Variants in UGT1A10 observed in about 807,000 individuals in gnomAD.
UGT1A10 encodes UDP-glucuronosyltransferase 1A10.
Under a neutral mutation model 45.8 loss-of-function variants are expected in UGT1A10, and 49 were observed. The ratio of observed to expected loss-of-function variants is 1.07; its 90% CI spans 0.85 to 1.36. The LOEUF (loss-of-function observed/expected upper bound fraction) is 1.36, where lower values mean the gene tolerates loss of function less well. Among genes scored for constraint, UGT1A10 ranks in the 40% most tolerant of loss-of-function variants. The pLI, the probability that UGT1A10 is intolerant of heterozygous loss-of-function variation, is 0.00. For synonymous variants in UGT1A10, 284 were observed against 249.7 expected, an observed-to-expected ratio of 1.14 and a Z score of -1.29; for missense variants, 745 against 668.6, an observed-to-expected ratio of 1.11 and a Z score of -1.26.
chr2:233,725,598 A>C (rs2077461459), intron 1 of UGT1A10, among the ~76,000 whole-genome samples: 1 of 152,158 alleles, frequency 6.6e-6, no homozygotes, highest in Admixed American at 6.5e-5. Flanking sequence ...TATTTGACAT[A>C]GTTTTTTCTT....
At chr2:233,765,607 G>A (rs1299491644) in intron 1 of UGT1A10, among the ~76,000 whole-genome samples, 2 of 151,978 alleles carry the variant, frequency 1.3e-5, no homozygotes, top group African/African-American at 4.8e-5. Context: ...GGCTTGTGGC[G>A]GGGTGAGGGG....
intron 2 of UGT1A10, among the ~76,000 whole-genome samples, 162 bp from the exon 3 acceptor site, chr2:233,767,687 C>A (rs1297182892): frequency 6.6e-6 from 1 of 152,176 alleles, no homozygotes; most frequent in Non-Finnish European, 1.5e-5. Flanking sequence ...AAACAAGATG[C>A]CGGAAGTTGC....
At chr2:233,748,205 G>C in intron 1 of UGT1A10, 1 of 1,514,056 alleles carries the variant, frequency 6.6e-7, no homozygotes, top group South Asian at 1.3e-5. Flanking sequence ...TGTCGTAATA[G>C]CCTTCAGTGA....
chr2:233,680,735 A>G (rs1209130572), intron 1 of UGT1A10, among the ~76,000 whole-genome samples: 1 of 152,162 alleles, frequency 6.6e-6, no homozygotes, highest in Non-Finnish European at 1.5e-5. Flanking sequence ...GCTCGGTAGA[A>G]TGGAGGAAAC....
At chr2:233,707,924 T>C (rs746217325) in intron 1 of UGT1A10, among the ~76,000 whole-genome samples, 1 of 152,236 alleles carries the variant, frequency 6.6e-6, no homozygotes, top group Non-Finnish European at 1.5e-5. Context: ...GGTTTTAAAA[T>C]ATACTTATCA....
chr2:233,766,431 T>C (rs2126025401), intron 1 of UGT1A10, among the ~76,000 whole-genome samples: 1 of 152,314 alleles, frequency 6.6e-6, no homozygotes, highest in Middle Eastern at 3.4e-3. Context: ...GATGTCCAGC[T>C]ACCTGTGTGT....
chr2:233,688,681 T>C (rs1486641418), intron 1 of UGT1A10, among the ~76,000 whole-genome samples: 1 of 152,192 alleles, frequency 6.6e-6, no homozygotes, highest in East Asian at 1.9e-4. Flanking sequence ...TTTTAAAAAA[T>C]TTAATATTAA....
chr2:233,698,964 G>A (rs996769646), intron 1 of UGT1A10, among the ~76,000 whole-genome samples: 3 of 152,212 alleles, frequency 2.0e-5, no homozygotes, highest in Non-Finnish European at 4.4e-5. Context: ...GGCCCTTGGG[G>A]AAGCCCTTTG....
At chr2:233,717,422 G>A (rs1452030789) in intron 1 of UGT1A10, among the ~76,000 whole-genome samples, 1 of 152,202 alleles carries the variant, frequency 6.6e-6, no homozygotes, top group African/African-American at 2.4e-5. Context: ...CTTGAGCTGG[G>A]TGTCCCTCTG....
intron 1 of UGT1A10, among the ~76,000 whole-genome samples, chr2:233,763,987 G>C (rs144684818): frequency 6.6e-6 from 1 of 152,188 alleles, no homozygotes; most frequent in Non-Finnish European, 1.5e-5. Flanking sequence ...CTGGGAATGC[G>C]TGATGGTGAA....
Position 233,772,549 on chromosome 2 carries a change from A to G in UGT1A10, c.1583A>G (p.Lys528Arg), listed in dbSNP as rs1196632178. Residue 528 changes from lysine to arginine, a missense_variant, in exon 5 of 5, where the codon AAG (lysine) becomes AGG (arginine). By Grantham distance (26) the Lys-to-Arg change is conservative (BLOSUM62 2). Coordinates refer to ENST00000344644, the MANE Select transcript of UGT1A10 (RefSeq NM_019075.4). ...CGAGTTAAGAAAGCCCACAAATCCA[A>G]GACCCATTGAGAAGTGGGTGGGAAA... ...KGRVKKAHKS[K>R]TH 6.2e-7 allele frequency: 1 copy of G among 1,614,094 alleles called. No individual in the cohort carries two copies. The highest frequency in any genetic ancestry group is 8.5e-7 in the Non-Finnish European group (1 of 1,179,962).
At chr2:233,671,188 G>A (rs1221801534) in intron 1 of UGT1A10, among the ~76,000 whole-genome samples, 4 of 152,360 alleles carry the variant, frequency 2.6e-5, no homozygotes, top group African/African-American at 9.6e-5. Flanking sequence ...GAATGTGCAA[G>A]TTGAGCGGTC....
intron 1 of UGT1A10, among the ~76,000 whole-genome samples, chr2:233,740,158 G>A (rs2125827659): frequency 6.6e-6 from 1 of 151,948 alleles, no homozygotes; most frequent in East Asian, 1.9e-4. Flanking sequence ...GGCCTCCCCA[G>A]TCATGTGGAA....
At chr2:233,682,215 T>A (rs1417605896) in intron 1 of UGT1A10, 2 of 1,614,254 alleles carry the variant, frequency 1.2e-6, no homozygotes, top group Admixed American at 3.3e-5. Flanking sequence ...TTCATGGTTT[T>A]TGCCGATGCT....
chr2:233,651,562 CAA>C (rs1370616253), intron 1 of UGT1A10, among the ~76,000 whole-genome samples: 1 of 152,104 alleles, frequency 6.6e-6, no homozygotes, highest in African/African-American at 2.4e-5. Flanking sequence ...ATTCAGATAT[CAA>C]AGAGTGCCCT....
At chr2:233,661,136 A>G (rs2073954930) in intron 1 of UGT1A10, among the ~76,000 whole-genome samples, 1 of 151,604 alleles carries the variant, frequency 6.6e-6, no homozygotes, top group Non-Finnish European at 1.5e-5. Flanking sequence ...TTGACAAATT[A>G]TCTATGGATG....
chr2:233,762,717 G>GT lies in UGT1A10; in HGVS notation c.856-4305dup, dbSNP rs34681509. 2.7e-3 allele frequency among the ~76,000 whole-genome samples: 387 copies of GT among 141,006 alleles called. 1 individual carries two copies. The highest frequency in any genetic ancestry group is 0.012 in the Middle Eastern group (3 of 260). 92.5% of individuals were successfully genotyped at this position (141,006 alleles called of 152,430 possible). On this transcript the variant is annotated intron_variant, in intron 1 of 4. Coordinates refer to ENST00000344644, the MANE Select transcript of UGT1A10 (RefSeq NM_019075.4). ...CATCTTTTCTTAAGTATTTTACACG[G>GT]TTTTTTTTTTTTGGTCACTACTGTG...
At chr2:233,765,091 C>T (rs1473276364) in intron 1 of UGT1A10, among the ~76,000 whole-genome samples, 1 of 152,110 alleles carries the variant, frequency 6.6e-6, no homozygotes, top group Non-Finnish European at 1.5e-5. Context: ...TCTAGGGTGA[C>T]CAGCATCCTG....
At chr2:233,685,105 A>G (rs1206103329) in intron 1 of UGT1A10, among the ~76,000 whole-genome samples, 1 of 152,196 alleles carries the variant, frequency 6.6e-6, no homozygotes, top group East Asian at 1.9e-4. Flanking sequence ...ACAAAATCTT[A>G]TTGAGTCTAT....
Sources: gnomAD v4.1 joint callset for allele counts (sites outside exome capture counted in the v4.1 genomes callset) on GRCh38, gnomAD v4.1.1 for gene constraint, MANE v1.5 for transcripts, NCBI Gene and HGNC (gene_info 2026-07-23, HGNC 2026-07-21) for gene names.